GABRA3: variants seen among roughly 807,000 people sequenced by gnomAD.
GABRA3 encodes gamma-aminobutyric acid type A receptor subunit alpha3, also known as gamma-aminobutyric acid receptor subunit alpha-3.
Under a neutral mutation model 30.1 loss-of-function variants are expected in GABRA3, and 10 were observed. The ratio of observed to expected loss-of-function variants is 0.33; its 90% CI spans 0.20 to 0.56. GABRA3 has a LOEUF of 0.56. Among genes scored for constraint, GABRA3 ranks in the 20% least tolerant of loss-of-function variants. The pLI, the probability that GABRA3 is intolerant of heterozygous loss-of-function variation, is 0.89. For synonymous variants in GABRA3, 151 were observed against 146.8 expected (o/e 1.03, Z -0.21); for missense variants, 233 against 392.0 (o/e 0.59, Z 3.42).
At chrX:152,213,003 A>T (rs1937651865) in intron 6 of GABRA3, among the ~76,000 whole-genome samples, 1 of 111,230 alleles carries the variant, frequency 9.0e-6, no homozygotes, top group African/African-American at 3.3e-5. Context: ...TGAAGAAAGG[A>T]TATCTACCTG....
intron 1 of GABRA3, among the ~76,000 whole-genome samples, chrX:152,418,649 A>C (rs748689973): frequency 1.1e-3 from 121 of 111,771 alleles, no homozygotes; most frequent in African/African-American, 2.6e-3. Context: ...AGAAAGTAGA[A>C]AGAACAAAAT....
intron 6 of GABRA3, among the ~76,000 whole-genome samples, chrX:152,222,460 C>CT (rs367594406): frequency 0.034 from 3,571 of 106,055 alleles, 65 homozygotes; most frequent in Middle Eastern, 0.054. Flanking sequence ...TAATCACTTC[C>CT]TTTTTTTTTC....
intron 1 of GABRA3, among the ~76,000 whole-genome samples, chrX:152,437,497 C>T (rs183529727): frequency 9.8e-4 from 109 of 111,172 alleles, no homozygotes; most frequent in African/African-American, 3.5e-3. Context: ...AACCAAAATC[C>T]CAACAATTTA....
chrX:152,422,115 T>G (rs1173958115), intron 1 of GABRA3, among the ~76,000 whole-genome samples: 1 of 111,647 alleles, frequency 9.0e-6, no homozygotes, highest in Non-Finnish European at 1.9e-5. Context: ...ATTGCAACAT[T>G]ACTTATAATA....
At chrX:152,271,209 C>T (rs7890977) in intron 4 of GABRA3, among the ~76,000 whole-genome samples, 9,217 of 110,616 alleles carry the variant, frequency 0.083, 826 homozygotes, top group African/African-American at 0.26. Flanking sequence ...GTGATCCACC[C>T]GCCTAGGCCT....
chrX:152,259,269 C>T (rs781433496), intron 4 of GABRA3, among the ~76,000 whole-genome samples: 32 of 111,617 alleles, frequency 2.9e-4, no homozygotes, highest in Non-Finnish European at 5.3e-4. Flanking sequence ...TGCTCTGGAG[C>T]CCTAAGTAAA....
chrX:152,230,655 T>G (rs1245025041), intron 5 of GABRA3, among the ~76,000 whole-genome samples: 2 of 111,071 alleles, frequency 1.8e-5, no homozygotes, highest in Non-Finnish European at 3.8e-5. Context: ...GAAATAAACT[T>G]TGATATTTAT....
intron 3 of GABRA3, among the ~76,000 whole-genome samples, chrX:152,315,106 G>C (rs185162800): frequency 6.9e-4 from 77 of 111,473 alleles, no homozygotes; most frequent in African/African-American, 2.2e-3. Context: ...GGAAAGCTGA[G>C]AGAACCCACA....
intron 4 of GABRA3, among the ~76,000 whole-genome samples, chrX:152,279,608 C>T (rs772967365): frequency 9.0e-6 from 1 of 110,672 alleles, no homozygotes; most frequent in Admixed American, 9.7e-5. Flanking sequence ...TTTTTTGGTT[C>T]CATATGAAAT....
chrX:152,443,663 C>A (rs1400496684), intron 1 of GABRA3, among the ~76,000 whole-genome samples: 2 of 110,788 alleles, frequency 1.8e-5, no homozygotes, highest in Admixed American at 1.9e-4. Context: ...ATGACACAAA[C>A]CAAAGGTTTA....
chrX:152,187,934 C>T, intron 9 of GABRA3, among the ~76,000 whole-genome samples: 1 of 111,733 alleles, frequency 8.9e-6, no homozygotes, highest in East Asian at 2.8e-4. Flanking sequence ...GAGAATGTGA[C>T]CCATGGATTG....
chrX:152,322,626 C>T (rs768965852), intron 3 of GABRA3, among the ~76,000 whole-genome samples: 23 of 108,236 alleles, frequency 2.1e-4, no homozygotes, highest in African/African-American at 6.4e-4. Flanking sequence ...TTCTGCCTCC[C>T]GGGTTGAAGC....
At chrX:152,204,070 A>T (rs1360063194) in intron 7 of GABRA3, among the ~76,000 whole-genome samples, 1 of 111,749 alleles carries the variant, frequency 8.9e-6, no homozygotes, top group East Asian at 2.8e-4. Flanking sequence ...GGGTTGATAG[A>T]TCAATAAATA....
At chrX:152,257,891 T>G (rs1412605662) in intron 4 of GABRA3, among the ~76,000 whole-genome samples, 1 of 112,263 alleles carries the variant, frequency 8.9e-6, no homozygotes, top group Non-Finnish European at 1.9e-5. Context: ...ATATACTGTC[T>G]GCCTGATCTG....
intron 6 of GABRA3, among the ~76,000 whole-genome samples, chrX:152,219,695 G>A (rs1280912686): frequency 9.0e-6 from 1 of 111,063 alleles, no homozygotes; most frequent in Non-Finnish European, 1.9e-5. Flanking sequence ...CTTATTATGT[G>A]TGTTAATGGC....
At chrX:152,312,139 A>C (rs1473056853) in intron 3 of GABRA3, among the ~76,000 whole-genome samples, 1 of 112,227 alleles carries the variant, frequency 8.9e-6, no homozygotes, top group Admixed American at 9.5e-5. Flanking sequence ...ATACTGACCA[A>C]AGCAATGTAC....
intron 2 of GABRA3, among the ~76,000 whole-genome samples, chrX:152,355,676 C>T (rs974549947): frequency 3.6e-5 from 4 of 111,992 alleles, no homozygotes; most frequent in African/African-American, 1.3e-4. Context: ...ACAAATTCAA[C>T]AAATTGCAGT....
chrX:152,327,074 C>G (rs1172408891), intron 3 of GABRA3, among the ~76,000 whole-genome samples: 1 of 108,826 alleles, frequency 9.2e-6, no homozygotes, highest in East Asian at 2.9e-4. Flanking sequence ...ATAAAACAGA[C>G]TTTAAACCAA....
intron 2 of GABRA3, among the ~76,000 whole-genome samples, chrX:152,351,262 A>G (rs1487509134): frequency 8.9e-6 from 1 of 112,268 alleles, no homozygotes; most frequent in African/African-American, 3.2e-5. Flanking sequence ...AAGTCCTGAA[A>G]GACATCTTCT....
Sources: allele counts gnomAD v4.1 joint callset (sites outside exome capture counted in the v4.1 genomes callset), GRCh38; gene constraint gnomAD v4.1.1; transcripts MANE v1.5; gene names NCBI Gene and HGNC (gene_info 2026-07-23, HGNC 2026-07-21).